The following OPCML variants were observed in gnomAD, a reference collection of about 807,000 sequenced individuals.
The protein encoded by OPCML is opioid binding protein/cell adhesion molecule like.
Under a neutral mutation model 37.8 loss-of-function variants are expected in OPCML, and 13 were observed. The observed-to-expected ratio is 0.34, with a 90% CI of 0.22 to 0.55. The LOEUF is 0.55. Among genes scored for constraint, OPCML ranks in the 20% least tolerant of loss-of-function variants. The pLI, the probability that OPCML is intolerant of heterozygous loss-of-function variation, is 0.91. For synonymous variants in OPCML, 176 were observed against 168.8 expected, an observed-to-expected ratio of 1.04 and a Z score of -0.33; for missense variants, 341 against 435.6, an observed-to-expected ratio of 0.78 and a Z score of 1.93.
In OPCML at chr11:133,485,884, C is replaced by T. The variant is rs374392012; in HGVS notation, c.61+46380G>A. Among the ~76,000 whole-genome samples, 4 of 152,200 alleles carry T rather than the reference C, an allele frequency of 2.6e-5. No homozygotes were observed. The East Asian group carries it at 5.8e-4, about 22-fold the overall frequency. On this transcript the variant is annotated intron_variant, in intron 1 of 7. Coordinates refer to ENST00000524381, the MANE Select transcript of OPCML (RefSeq NM_001012393.5). ...CCAACGTTTCACAGTCTACTTAGTG[C>T]CATGTTTTTTCTGTTTTTTTTTCTT...
At chr11:133,161,003 C>A (rs990029194) in intron 1 of OPCML, among the ~76,000 whole-genome samples, 2 of 152,218 alleles carry the variant, frequency 1.3e-5, no homozygotes, top group Non-Finnish European at 2.9e-5. Context: ...GGATGGAAAT[C>A]AGGCAGCAGG....
At chr11:132,875,007 C>T (rs529040984) in intron 2 of OPCML, among the ~76,000 whole-genome samples, 72 of 152,264 alleles carry the variant, frequency 4.7e-4, no homozygotes, top group African/African-American at 1.6e-3. Context: ...CAGATCCTAA[C>T]GAAGTTTTAA....
chr11:133,180,799 A>G (rs1169171544), intron 1 of OPCML, among the ~76,000 whole-genome samples: 1 of 148,558 alleles, frequency 6.7e-6, no homozygotes, highest in Non-Finnish European at 1.5e-5. Flanking sequence ...CTCTCTGCCC[A>G]TGAGCTAAGA....
At chr11:132,690,763 G>C (rs917910644) in intron 2 of OPCML, among the ~76,000 whole-genome samples, 8 of 152,134 alleles carry the variant, frequency 5.3e-5, no homozygotes, top group Admixed American at 5.2e-4. Context: ...TATAGCATTG[G>C]GGTTAATAAA....
At chr11:133,102,057 T>C (rs1426252372) in intron 1 of OPCML, among the ~76,000 whole-genome samples, 1 of 152,174 alleles carries the variant, frequency 6.6e-6, no homozygotes, top group Non-Finnish European at 1.5e-5. Flanking sequence ...TTCCAAGTGT[T>C]AGGAGGAAGT....
Position 132,547,118 on chromosome 11 carries a change from G to A in OPCML, c.380-17932C>T, listed in dbSNP as rs78477127. ...TTTTGGGACACAGCAAGATGACAAG[G>A]GCAAAAACCATGCTTGGCACATACT... On this transcript the variant is annotated intron_variant, in intron 3 of 7. Transcript: ENST00000524381. 9.0e-4 allele frequency among the ~76,000 whole-genome samples: 137 copies of A among 152,232 alleles called. 2 individuals are homozygous for A. The East Asian group carries it at 0.012, about 13-fold the overall frequency.
chr11:133,074,728 A>G (rs1948595429), intron 1 of OPCML, among the ~76,000 whole-genome samples: 1 of 152,156 alleles, frequency 6.6e-6, no homozygotes, highest in African/African-American at 2.4e-5. Context: ...CTACTCTTGC[A>G]AAAATATGAT....
chr11:132,496,586 C>A (rs569691418), intron 4 of OPCML, among the ~76,000 whole-genome samples: 59 of 152,314 alleles, frequency 3.9e-4, no homozygotes, highest in African/African-American at 1.4e-3. Context: ...CTGGCTTGGG[C>A]CAAGGAGCTC....
intron 2 of OPCML, among the ~76,000 whole-genome samples, chr11:132,828,273 A>G (rs74336616): frequency 0.013 from 1,914 of 152,262 alleles, 43 homozygotes; most frequent in African/African-American, 0.044. Context: ...CACAGAAGAC[A>G]CTTTAGGGCC....
chr11:133,015,415 G>GGAAGGAAGGAAGGAAGGAAT (rs1947309853), intron 1 of OPCML, among the ~76,000 whole-genome samples: 1 of 109,408 alleles, frequency 9.1e-6, no homozygotes, highest in Admixed American at 1.1e-4. Flanking sequence ...AAGGAAGGAA[G>GGAAGGAAGGAAGGAAGGAAT]GAAGGAAGGA....
chr11:133,463,921 T>G (rs1946917199), intron 1 of OPCML, among the ~76,000 whole-genome samples: 1 of 152,172 alleles, frequency 6.6e-6, no homozygotes, highest in Admixed American at 6.5e-5. Flanking sequence ...CCGGGCCACA[T>G]CTTCATCGGC....
intron 2 of OPCML, among the ~76,000 whole-genome samples, chr11:132,702,334 T>G (rs191834314): frequency 1.3e-5 from 2 of 152,322 alleles, no homozygotes; most frequent in Admixed American, 6.5e-5. Flanking sequence ...ATAATATTCT[T>G]GTTTAACGCT....
intron 2 of OPCML, among the ~76,000 whole-genome samples, chr11:132,662,316 G>T (rs1486078609): frequency 6.6e-6 from 1 of 150,772 alleles, no homozygotes; most frequent in Non-Finnish European, 1.5e-5. Flanking sequence ...TGACAGGTTG[G>T]AATTTTAATC....
chr11:133,497,253 G>A (rs975008687), intron 1 of OPCML, among the ~76,000 whole-genome samples: 4 of 151,976 alleles, frequency 2.6e-5, no homozygotes, highest in Non-Finnish European at 1.5e-5. Flanking sequence ...TAATTTGAAG[G>A]CCTTTTCTTC....
intron 1 of OPCML, among the ~76,000 whole-genome samples, chr11:133,404,877 A>G (rs959738099): frequency 6.6e-6 from 1 of 152,258 alleles, no homozygotes; most frequent in Non-Finnish European, 1.5e-5. Context: ...AAATACAAAC[A>G]GATAATATCA....
chr11:133,082,155 G>GC (rs1314859264), intron 1 of OPCML, among the ~76,000 whole-genome samples: 4 of 151,680 alleles, frequency 2.6e-5, no homozygotes, highest in Non-Finnish European at 4.4e-5. Flanking sequence ...GGCAGGACAA[G>GC]CCCGGGCCTG....
chr11:133,111,917 G>A (rs1949259607), intron 1 of OPCML, among the ~76,000 whole-genome samples: 1 of 152,126 alleles, frequency 6.6e-6, no homozygotes, highest in Non-Finnish European at 1.5e-5. Flanking sequence ...AGTTATCTGT[G>A]ACTATTTTTC....
At chr11:132,778,876 T>C (rs1484160199) in intron 2 of OPCML, among the ~76,000 whole-genome samples, 1 of 151,628 alleles carries the variant, frequency 6.6e-6, no homozygotes, top group Non-Finnish European at 1.5e-5. Context: ...TGACAAAAAA[T>C]ATAAGAGAAT....
chr11:132,582,104 T>TTG (rs145244488), intron 3 of OPCML, among the ~76,000 whole-genome samples: 2,453 of 140,464 alleles, frequency 0.017, 23 homozygotes, highest in South Asian at 0.052. Context: ...CACACATACT[T>TTG]TGTGTGTGTG....
Sources: allele counts gnomAD v4.1 joint callset (sites outside exome capture counted in the v4.1 genomes callset), GRCh38; gene constraint gnomAD v4.1.1; transcripts MANE v1.5; gene names NCBI Gene and HGNC (gene_info 2026-07-23, HGNC 2026-07-21).